Variants in EFCC1 observed in about 807,000 individuals in gnomAD.
EFCC1 encodes the protein EF-hand and coiled-coil domain containing 1, also known as EF-hand and coiled-coil domain-containing protein 1.
EFCC1 carries 50 observed loss-of-function variants against 52.1 expected under a neutral mutation model. The observed-to-expected ratio is 0.96, with a 90% CI of 0.76 to 1.21. EFCC1 has a LOEUF of 1.21. EFCC1 is among the 50% of genes most tolerant of loss of function. The pLI, the probability that EFCC1 is intolerant of heterozygous loss-of-function variation, is 0.00. For missense variants in EFCC1, 837 were observed against 867.3 expected, an observed-to-expected ratio of 0.97 and a Z score of 0.44; for synonymous variants, 399 against 396.5, an observed-to-expected ratio of 1.01 and a Z score of -0.08.
In EFCC1 at chr3:129,007,233, T is replaced by G. The variant is rs376709060; in HGVS notation, c.980+3156T>G. ...CTGGGGAGGGACTGTAGGCTACAAT[T>G]CACCTCTGCTTTTGCTTTTCAAGTG... On this transcript the variant is annotated intron_variant, in intron 2 of 7. Transcript: ENST00000683648. Among the ~76,000 whole-genome samples, 21 of 152,326 alleles carry G rather than the reference T, an allele frequency of 1.4e-4. 1 individual carries two copies. The highest frequency in any genetic ancestry group is 4.6e-4 in the Admixed American group (7 of 15,300).
At chr3:129,011,299 C>G (rs1945315113) in intron 2 of EFCC1, among the ~76,000 whole-genome samples, 1 of 152,082 alleles carries the variant, frequency 6.6e-6, no homozygotes, top group South Asian at 2.1e-4. Context: ...GCCTGTAATC[C>G]CAACACTTTG....
At chr3:129,034,137 CA>C in intron 4 of EFCC1, 26 bp from the exon 5 acceptor site, 1 of 1,613,598 alleles carries the variant, frequency 6.2e-7, no homozygotes, top group East Asian at 2.2e-5. Context: ...CAGCCCCCTG[CA>C]ATGCGGGCCC....
intron 1 of EFCC1, 40 bp from the exon 2 acceptor site, chr3:129,003,753 TG>T (rs2107852768): frequency 1.5e-6 from 2 of 1,344,806 alleles, no homozygotes; most frequent in South Asian, 1.6e-5. Flanking sequence ...TGCATCTGGC[TG>T]GGGCACTTAC....
In EFCC1 at chr3:129,034,251, G is replaced by A; in HGVS notation, c.1374G>A (p.Glu458=). 1.2e-6 allele frequency: 2 copies of A among 1,614,212 alleles called. No individual in the cohort carries two copies. Among genetic ancestry groups the A allele is most frequent in the Non-Finnish European group, 1.7e-6 (2 of 1,180,042 alleles). The change falls in exon 5 of 8, where the codon GAG becomes GAA. Residue 458 remains glutamate, a synonymous_variant. Coordinates refer to ENST00000683648, the MANE Select transcript of EFCC1 (RefSeq NM_001377500.1). Reference sequence around the variant, plus strand: ...ATGCCCATACCCTGGGGGAGCTGGAGGCCTGCATTGCCATGCTGGTGGAGC... The same window carrying A: ...ATGCCCATACCCTGGGGGAGCTGGAAGCCTGCATTGCCATGCTGGTGGAGC... ...ANHAHTLGEL[E]ACIAMLVEQL... is the part of the protein sequence containing the mutation.
chr3:129,033,003 C>A (rs1946301655), intron 4 of EFCC1, 37 bp downstream of exon 4: 1 of 1,493,456 alleles, frequency 6.7e-7, no homozygotes, highest in Non-Finnish European at 9.0e-7. Flanking sequence ...CTGTGGGCCG[C>A]AGGCTCCAGA....
Position 129,002,443 on chromosome 3 carries a change from C to T in EFCC1, c.696+119C>T, listed in dbSNP as rs569962440. ...AGGAAGGGGAGACAGAGGGCAGCCC[C>T]ACACCATCCCACTCCGCATCAGCAC... On this transcript the variant is annotated intron_variant, in intron 1 of 7. Transcript: ENST00000683648. 17 of 1,398,122 alleles carry T rather than the reference C, an allele frequency of 1.2e-5. No homozygotes were observed. The South Asian group carries it at 2.7e-4, about 22-fold the overall frequency. 86.6% of individuals were successfully genotyped at this position (1,398,122 alleles called of 1,614,324 possible).
intron 2 of EFCC1, among the ~76,000 whole-genome samples, chr3:129,022,522 G>A (rs376528661): frequency 8.5e-5 from 13 of 152,172 alleles, no homozygotes; most frequent in African/African-American, 2.7e-4. Flanking sequence ...CTGGGCTGGC[G>A]GCCAGATGTG....
chr3:129,003,181 G>T, intron 1 of EFCC1: 1 of 976,950 alleles, frequency 1.0e-6, no homozygotes, highest in Non-Finnish European at 1.2e-6. Context: ...CAGTGTGCAT[G>T]GAAGCCAGGG....
At chr3:129,005,472 G>C (rs1046620561) in intron 2 of EFCC1, among the ~76,000 whole-genome samples, 5 of 152,228 alleles carry the variant, frequency 3.3e-5, no homozygotes, top group Non-Finnish European at 7.3e-5. Context: ...AAGGATTTCA[G>C]TTTTTCCCTT....
chr3:129,009,019 G>T, intron 2 of EFCC1, among the ~76,000 whole-genome samples: 1 of 127,678 alleles, frequency 7.8e-6, no homozygotes, highest in African/African-American at 2.9e-5. Context: ...GGTGGGGGGC[G>T]GGGCGGGAAT....
At chr3:129,029,509 TGGA>T (rs1477692565) in intron 2 of EFCC1, among the ~76,000 whole-genome samples, 3 of 152,088 alleles carry the variant, frequency 2.0e-5, no homozygotes, top group African/African-American at 4.8e-5. Flanking sequence ...GCCAAGGCGC[TGGA>T]GGATCTCTTA....
chr3:129,034,164 G>A lies in EFCC1; in HGVS notation c.1287G>A (p.Arg429=). 6.2e-7 allele frequency: 1 copy of A among 1,614,250 alleles called. No homozygotes were observed. The highest frequency in any genetic ancestry group is 8.5e-7 in the Non-Finnish European group (1 of 1,180,040). Residue 429 remains arginine (R), a splice_region_variant and synonymous_variant, in exon 5 of 8, where the codon AGG becomes AGA. Transcript: ENST00000683648. ...ATGCGGGCCCTCTCCTTTGCTGCAG[G>A]TGTGATGACCAGACGGCGGAGAAGC... ...LLARLSSCRG[R]CDDQTAEKLM...
chr3:129,003,894 C>A lies in EFCC1; in HGVS notation c.797C>A (p.Ala266Glu), dbSNP rs955110100. 20 of 1,375,184 alleles carry A rather than the reference C, an allele frequency of 1.5e-5. No homozygotes were observed. Among genetic ancestry groups the A allele is most frequent in the Middle Eastern group, 2.6e-4 (1 of 3,802 alleles). The allele number at this position is 1,375,184 out of a possible 1,614,324, so 85.2% of individuals were successfully genotyped here. A position where few individuals can be genotyped will look rare whatever the true frequency, so the allele number is the denominator to read the frequency against. Reference sequence around the variant, plus strand: ...CGTCAGGCGCAGGGCGCCCTGGCTGCGGCGGAGGCCCGCGCTGGGCGGCTG... The same window carrying A: ...CGTCAGGCGCAGGGCGCCCTGGCTGAGGCGGAGGCCCGCGCTGGGCGGCTG... ...ELRQAQGALAAAEARAGRLRR... is the reference protein window; with the variant it reads ...ELRQAQGALAEAEARAGRLRR... Residue 266 changes from alanine (A) to glutamate (E), a missense_variant, in exon 2 of 8, where the codon GCG (alanine) becomes GAG (glutamate). By Grantham distance (107) the Ala-to-Glu change is moderately radical. Transcript: ENST00000683648.
intron 2 of EFCC1, among the ~76,000 whole-genome samples, chr3:129,013,475 C>A (rs1319811611): frequency 6.6e-6 from 1 of 152,188 alleles, no homozygotes; most frequent in Admixed American, 6.5e-5. Flanking sequence ...TCTTTCTATC[C>A]TTTATCTTGT....
intron 2 of EFCC1, among the ~76,000 whole-genome samples, chr3:129,029,827 C>A (rs1946233012): frequency 6.6e-6 from 1 of 150,956 alleles, no homozygotes; most frequent in Admixed American, 6.6e-5. Flanking sequence ...TCAGGTCATC[C>A]ACCCGCCTCT....
At chr3:129,038,147 T>C (rs116484428) in intron 6 of EFCC1, among the ~76,000 whole-genome samples, 226 of 152,120 alleles carry the variant, frequency 1.5e-3, no homozygotes, top group African/African-American at 5.3e-3. Flanking sequence ...AGAGGTTCCA[T>C]CCAGTGCAGC....
chr3:129,025,283 C>T (rs1474151315), intron 2 of EFCC1, among the ~76,000 whole-genome samples: 2 of 151,956 alleles, frequency 1.3e-5, no homozygotes, highest in Non-Finnish European at 2.9e-5. Context: ...GGCTCACCGG[C>T]ATTAGGGGTC....
intron 3 of EFCC1, among the ~76,000 whole-genome samples, chr3:129,032,350 T>G (rs529566775): frequency 6.6e-6 from 1 of 151,998 alleles, no homozygotes; most frequent in Admixed American, 6.5e-5. Flanking sequence ...TGTGTCATCT[T>G]AGAAAACAGG....
Position 129,039,874 on chromosome 3 carries a change from C to T in EFCC1, c.*26C>T, listed in dbSNP as rs761228326. ...GGTTACTGGCCCACCCTGTGGGCAC[C>T]CTGCTCAGCCTGACTGCCTTTGGAC... On this transcript the variant is annotated 3_prime_UTR_variant, in exon 8 of 8. Coordinates refer to ENST00000683648, the MANE Select transcript of EFCC1 (RefSeq NM_001377500.1). The T allele has an allele frequency of 1.9e-6, 3 of 1,575,574 alleles. No homozygotes were observed. The highest frequency in any genetic ancestry group is 1.2e-5 in the South Asian group (1 of 86,744).
Sources: gnomAD v4.1 joint callset for allele counts (sites outside exome capture counted in the v4.1 genomes callset) on GRCh38, gnomAD v4.1.1 for gene constraint, MANE v1.5 for transcripts, NCBI Gene and HGNC (gene_info 2026-07-23, HGNC 2026-07-21) for gene names.